The following TENM3 variants were observed in gnomAD, a reference collection of about 807,000 sequenced individuals.
TENM3 encodes the protein teneurin-3.
Under a neutral mutation model 255.1 loss-of-function variants are expected in TENM3, and 63 were observed. The observed-to-expected ratio is 0.25, with a 90% CI of 0.20 to 0.30. The LOEUF (loss-of-function observed/expected upper bound fraction) is 0.30. TENM3 is among the 10% of genes least tolerant of loss of function. The pLI is 1.00. For missense variants in TENM3, 2,929 were observed against 3,461.1 expected (o/e 0.85, Z 3.86); for synonymous variants, 1,306 against 1,322.3 (o/e 0.99, Z 0.27).
chr4:182,158,155 G>A (rs1358302524), intron 1 of TENM3, among the ~76,000 whole-genome samples: 4 of 152,164 alleles, frequency 2.6e-5, no homozygotes, highest in African/African-American at 7.2e-5. Flanking sequence ...GCCACGTCGC[G>A]CCTCTAGACT....
chr4:181,999,017 A>T, the TENM3 span, among the ~76,000 whole-genome samples: 1 of 152,166 alleles, frequency 6.6e-6, no homozygotes, highest in Non-Finnish European at 1.5e-5. Context: ...CAGCTAGCAG[A>T]GCTCTTGGCT....
the TENM3 span, among the ~76,000 whole-genome samples, chr4:181,641,628 G>T: frequency 2.1e-5 from 1 of 48,184 alleles, no homozygotes; most frequent in African/African-American, 7.5e-5. Flanking sequence ...TATGGTGTGT[G>T]TATATATATA....
chr4:181,587,568 A>G, the TENM3 span, among the ~76,000 whole-genome samples: 2 of 152,192 alleles, frequency 1.3e-5, no homozygotes, highest in Non-Finnish European at 2.9e-5. Flanking sequence ...TGAAGAAACC[A>G]GGGCAAAGAA....
At chr4:181,571,628 G>A in the TENM3 span, among the ~76,000 whole-genome samples, 84 of 152,258 alleles carry the variant, frequency 5.5e-4, no homozygotes, top group African/African-American at 1.7e-3. Context: ...GTGAGCCACC[G>A]TGCCTGGCCC....
At chr4:181,733,154 G>A in the TENM3 span, among the ~76,000 whole-genome samples, 1 of 152,118 alleles carries the variant, frequency 6.6e-6, no homozygotes, top group African/African-American at 2.4e-5. Flanking sequence ...TATTCAAGTT[G>A]CTATCCTGGG....
At chr4:181,954,603 A>G in the TENM3 span, among the ~76,000 whole-genome samples, 1 of 151,764 alleles carries the variant, frequency 6.6e-6, no homozygotes, top group South Asian at 2.1e-4. Context: ...TGTCTTTTTT[A>G]TTATTTGTCT....
At chr4:181,861,659 A>G in the TENM3 span, among the ~76,000 whole-genome samples, 2 of 152,142 alleles carry the variant, frequency 1.3e-5, no homozygotes, top group South Asian at 2.1e-4. Context: ...TACCCAGATA[A>G]GTAAATTTAT....
chr4:182,289,507 G>A (rs1480035337), intron 1 of TENM3, among the ~76,000 whole-genome samples: 2 of 152,188 alleles, frequency 1.3e-5, no homozygotes, highest in South Asian at 2.1e-4. Context: ...ATGCCCCAAC[G>A]TAGCAGCCCA....
chr4:182,602,519 T>G (rs1329368011), intron 4 of TENM3, among the ~76,000 whole-genome samples: 1 of 152,228 alleles, frequency 6.6e-6, no homozygotes, highest in East Asian at 1.9e-4. Flanking sequence ...AAAGTCTTTC[T>G]GTGTTTTCTT....
chr4:181,527,827 T>C, the TENM3 span, among the ~76,000 whole-genome samples: 2 of 152,018 alleles, frequency 1.3e-5, no homozygotes, highest in Non-Finnish European at 1.5e-5. Context: ...TAATGTAATA[T>C]ATGTACACAC....
At chr4:181,576,500 G>T in the TENM3 span, among the ~76,000 whole-genome samples, 188 of 152,204 alleles carry the variant, frequency 1.2e-3, no homozygotes, top group Non-Finnish European at 2.4e-3. Context: ...AAACCTCCAC[G>T]CTGTGCTCCA....
intron 1 of TENM3, among the ~76,000 whole-genome samples, chr4:182,162,762 G>A (rs1438818356): frequency 4.6e-5 from 7 of 152,184 alleles, no homozygotes; most frequent in Non-Finnish European, 1.0e-4. Context: ...GTGTCCTCAT[G>A]TTGCACAAAG....
the TENM3 span, among the ~76,000 whole-genome samples, chr4:182,100,500 CACACACATATATAT>C: frequency 2.2e-5 from 3 of 138,158 alleles, no homozygotes; most frequent in South Asian, 2.3e-4. Context: ...TATATACACA[CACACACATATATAT>C]ACACACATAT....
chr4:181,518,183 A>G, the TENM3 span, among the ~76,000 whole-genome samples: 1 of 152,206 alleles, frequency 6.6e-6, no homozygotes, highest in Non-Finnish European at 1.5e-5. Flanking sequence ...CTGTGGAAGA[A>G]ACTGTTCCAG....
At chr4:181,567,089 G>A in the TENM3 span, among the ~76,000 whole-genome samples, 9 of 152,200 alleles carry the variant, frequency 5.9e-5, no homozygotes, top group South Asian at 2.1e-4. Flanking sequence ...AAATGATCCC[G>A]CTTTAGACAC....
At chr4:181,580,590 C>T in the TENM3 span, among the ~76,000 whole-genome samples, 1 of 152,174 alleles carries the variant, frequency 6.6e-6, no homozygotes, top group African/African-American at 2.4e-5. Context: ...TTAAGAAGAT[C>T]ACACTGCTTT....
intron 3 of TENM3, among the ~76,000 whole-genome samples, chr4:182,540,152 T>C (rs543011189): frequency 6.6e-6 from 1 of 152,384 alleles, no homozygotes; most frequent in South Asian, 2.1e-4. Context: ...TTGTAGCTTT[T>C]GTTCATTTTA....
At chr4:182,131,549 T>A in the TENM3 span, among the ~76,000 whole-genome samples, 1 of 152,246 alleles carries the variant, frequency 6.6e-6, no homozygotes, top group Non-Finnish European at 1.5e-5. Flanking sequence ...TGGGTTTACC[T>A]TCTGCTCTGG....
intron 3 of TENM3, among the ~76,000 whole-genome samples, chr4:182,509,834 G>T (rs1357316836): frequency 1.3e-5 from 2 of 151,850 alleles, no homozygotes; most frequent in Admixed American, 1.3e-4. Flanking sequence ...CTACTTGGGA[G>T]GCTGAGGCAA....
Sources: allele counts gnomAD v4.1 joint callset (sites outside exome capture counted in the v4.1 genomes callset), GRCh38; gene constraint gnomAD v4.1.1; transcripts MANE v1.5; gene names NCBI Gene and HGNC (gene_info 2026-07-23, HGNC 2026-07-21).